Variants in ZNF470 observed in about 807,000 individuals in gnomAD.
ZNF470 encodes zinc finger protein 470, also known as chondrogenesis zinc finger protein 1.
ZNF470 carries 13 observed loss-of-function variants against 13.9 expected under a neutral mutation model. The observed-to-expected ratio is 0.94, with a 90% CI of 0.61 to 1.49. The LOEUF (loss-of-function observed/expected upper bound fraction) is 1.49, where lower values mean the gene tolerates loss of function less well. ZNF470 is among the 40% of genes most tolerant of loss of function. The probability of loss-of-function intolerance (pLI) is 0.00; values close to 1 mark genes in which losing one functional copy is unlikely to be tolerated. For missense variants in ZNF470, 929 were observed against 857.3 expected, an observed-to-expected ratio of 1.08 and a Z score of -1.04; for synonymous variants, 293 against 282.9, an observed-to-expected ratio of 1.04 and a Z score of -0.36.
At chr19:56,573,878 A>C in intron 3 of ZNF470, 59 of 645,224 alleles carry the variant, frequency 9.1e-5, no homozygotes, top group South Asian at 2.8e-4. Flanking sequence ...AGAAAAGACT[A>C]TAGCTAGGTG....
Position 56,582,257 on chromosome 19 carries a change from T to C in ZNF470, c.*3674T>C, listed in dbSNP as rs2044541102. On this transcript the variant is annotated 3_prime_UTR_variant, in exon 6 of 6. Transcript: ENST00000330619. ...ATAATTTAAGGAGGATGGAGAATGC[T>C]GAATCCAAAAGGTATATGTAATACT... 3.0e-6 allele frequency: 3 copies of C among 985,398 alleles called. No individual in the cohort carries two copies. Among genetic ancestry groups the C allele is most frequent in the Non-Finnish European group, 3.6e-6 (3 of 829,930 alleles). 61.0% of individuals were successfully genotyped at this position (985,398 alleles called of 1,614,324 possible). A position where few individuals can be genotyped will look rare whatever the true frequency, so the allele number is the denominator to read the frequency against.
At position 56,581,294 on chromosome 19, in the gene ZNF470, T is replaced by C. The variant is rs776379953; in HGVS notation, c.*2711T>C. 4.1e-6 allele frequency: 3 copies of C among 730,892 alleles called. No homozygotes were observed. The highest frequency in any genetic ancestry group is 5.0e-6 in the Non-Finnish European group (3 of 597,890). The allele number at this position is 730,892 out of a possible 1,614,324, so 45.3% of individuals were successfully genotyped here. On this transcript the variant is annotated 3_prime_UTR_variant, in exon 6 of 6. Transcript: ENST00000330619. ...AGAAATGCAAATTAAAGTGATTATCTACTTTTTCCCCAAAAGACTGACTAA... is the reference window on the plus strand; with the variant it reads ...AGAAATGCAAATTAAAGTGATTATCCACTTTTTCCCCAAAAGACTGACTAA...
At position 56,577,536 on chromosome 19, in the gene ZNF470, A is replaced by G. The variant is rs1312942608; in HGVS notation, c.1107A>G (p.Glu369=). The G allele has an allele frequency of 6.2e-7, 1 of 1,614,114 alleles. No individual in the cohort carries two copies. Among genetic ancestry groups the G allele is most frequent in the South Asian group, 1.1e-5 (1 of 91,082 alleles). The part of the protein sequence containing the change: ...RRIHTGKRPY[E]CIDCGKAFRQ... ...TTCACACTGGGAAAAGACCTTATGA[A>G]TGTATTGACTGTGGGAAAGCTTTCA... Residue 369 remains glutamate (E), a synonymous_variant, in exon 6 of 6, where the codon GAA becomes GAG. Coordinates refer to ENST00000330619, the MANE Select transcript of ZNF470 (RefSeq NM_001001668.4).
chr19:56,570,457 C>A, intron 3 of ZNF470, 86 bp downstream of exon 3: 1 of 1,336,280 alleles, frequency 7.5e-7, no homozygotes, highest in Non-Finnish European at 1.1e-6. Flanking sequence ...AAATATTGTG[C>A]TTAAGAGTTC....
intron 3 of ZNF470, among the ~76,000 whole-genome samples, chr19:56,571,954 G>A (rs1401092169): frequency 1.3e-5 from 2 of 151,648 alleles, no homozygotes; most frequent in Admixed American, 6.6e-5. Flanking sequence ...ACAACTTATG[G>A]CCAGAGCATG....
rs2044524936 is a variant in ZNF470, at chr19:56,580,173, G to A, written c.*1590G>A. ...AGAACATGTTGGTATTAGAGGATGA[G>A]GGAAGAACTAGAGGTAACTGTGAGA... On this transcript the variant is annotated 3_prime_UTR_variant, in exon 6 of 6. Transcript: ENST00000330619. 1 of 979,076 alleles carries A rather than the reference G, an allele frequency of 1.0e-6. No individual in the cohort carries two copies. Among genetic ancestry groups the A allele is most frequent in the Non-Finnish European group, 1.2e-6 (1 of 828,476 alleles). The allele number at this position is 979,076 out of a possible 1,614,324, so 60.6% of individuals were successfully genotyped here. A position where few individuals can be genotyped will look rare whatever the true frequency, so the allele number is the denominator to read the frequency against.
chr19:56,581,208 C>T lies in ZNF470; in HGVS notation c.*2625C>T, dbSNP rs1396486107. ...CAACTTAGAAAAATGGACTAATGTC[C>T]CATTCACAAAAGATGCAATAAAAGC... On this transcript the variant is annotated 3_prime_UTR_variant, in exon 6 of 6. Coordinates refer to ENST00000330619, the MANE Select transcript of ZNF470 (RefSeq NM_001001668.4). 1.6e-6 allele frequency: 1 copy of T among 610,068 alleles called. No individual in the cohort carries two copies. The highest frequency in any genetic ancestry group is 1.4e-4 in the East Asian group (1 of 7,090). The allele number at this position is 610,068 out of a possible 1,614,324, so 37.8% of individuals were successfully genotyped here.
Position 56,572,371 on chromosome 19 carries a change from A to AATATGTATATATATATATATATATAT in ZNF470, c.60+2004_60+2005insGTATATATATATATATATATATATAT, listed in dbSNP as rs2044459552. 2.9e-4 allele frequency among the ~76,000 whole-genome samples: 5 copies of AATATGTATATATATATATATATATAT among 17,242 alleles called. 1 individual carries two copies. The African/African-American group carries it at 4.1e-3, about 14-fold the overall frequency. 11.3% of individuals were successfully genotyped at this position (17,242 alleles called of 152,430 possible). A position where few individuals can be genotyped will look rare whatever the true frequency, so the allele number is the denominator to read the frequency against. ...AAAAAAAAAAAAAAAAAAAAAAAAA[A>AATATGTATATATATATATATATATAT]ATATATATATATATATATAAATTAG... On this transcript the variant is annotated intron_variant, in intron 3 of 5. Transcript: ENST00000330619.
Position 56,578,064 on chromosome 19 carries a change from C to T in ZNF470, c.1635C>T (p.Ala545=). The change falls in exon 6 of 6, where the codon GCC becomes GCT. Residue 545 remains alanine (A), a synonymous_variant. Transcript: ENST00000330619. ...ATGAATGTAAGGAATGTGGTAAGGCCTTCAGTCAGATTGCACACCTTGTTC... is the reference window on the plus strand; with the variant it reads ...ATGAATGTAAGGAATGTGGTAAGGCTTTCAGTCAGATTGCACACCTTGTTC... ...KPYECKECGK[A]FSQIAHLVQH... 1 of 1,613,916 alleles carries T rather than the reference C, an allele frequency of 6.2e-7. No individual in the cohort carries two copies.
Position 56,574,217 on chromosome 19 carries a change from A to G in ZNF470, c.61-177A>G, listed in dbSNP as rs1258951276. 5.8e-6 allele frequency: 6 copies of G among 1,029,802 alleles called. 1 individual carries two copies. Among genetic ancestry groups the G allele is most frequent in the South Asian group, 3.8e-5 (3 of 78,802 alleles). The allele number at this position is 1,029,802 out of a possible 1,614,324, so 63.8% of individuals were successfully genotyped here. On this transcript the variant is annotated intron_variant, in intron 3 of 5. Transcript: ENST00000330619. ...TTTTCTTTTTCCTAATATGTACAGC[A>G]TAACTAGGCAGAAAAGTTGTCCAAT...
rs3752179 is a variant in ZNF470, at chr19:56,577,190, A to G, written c.761A>G (p.Lys254Arg). 0.015 allele frequency: 23,889 copies of G among 1,613,008 alleles called. 1,325 individuals are homozygous for G. The East Asian group carries it at 0.17, about 11-fold the overall frequency. The change falls in exon 6 of 6, where the codon AAA becomes AGA. Residue 254 changes from lysine to arginine, a missense_variant. Transcript: ENST00000330619. ...CACCAAAGAATTCATACAGGAGAGA[A>G]ACCCTATGAATGTATTGAATGTGGA... The part of the protein sequence containing the change: ...TLHQRIHTGE[K>R]PYECIECGKA...
intron 3 of ZNF470, among the ~76,000 whole-genome samples, chr19:56,571,299 G>A (rs1429718882): frequency 2.6e-5 from 4 of 152,162 alleles, no homozygotes; most frequent in Non-Finnish European, 4.4e-5. Context: ...TTAATAGAGT[G>A]TTGCAGTAAT....
intron 3 of ZNF470, among the ~76,000 whole-genome samples, chr19:56,572,936 G>T (rs2044465575): frequency 6.6e-6 from 1 of 152,166 alleles, no homozygotes; most frequent in South Asian, 2.1e-4. Flanking sequence ...GAGCATCAGG[G>T]TGAAGGAAGT....
Position 56,569,413 on chromosome 19 carries a change from T to C in ZNF470, c.-33+530T>C, listed in dbSNP as rs895483117. Among the ~76,000 whole-genome samples, 5 of 152,206 alleles carry C rather than the reference T, an allele frequency of 3.3e-5. No homozygotes were observed. In the South Asian group the frequency reaches 6.2e-4, roughly 19 times the overall value. On this transcript the variant is annotated intron_variant, in intron 2 of 5. Transcript: ENST00000330619. ...GGAATTCTCCATGGAATTTGTCTTA[T>C]AGAATGTTCACAAATCCTGGCCAAC...
intron 3 of ZNF470, among the ~76,000 whole-genome samples, chr19:56,573,021 T>C (rs1331288316): frequency 6.6e-6 from 1 of 152,180 alleles, no homozygotes; most frequent in Non-Finnish European, 1.5e-5. Flanking sequence ...TCTTCAATGG[T>C]TAAAAACAAA....
rs188507736 is a variant in ZNF470 at position 56,573,803 on chromosome 19, G to A, written c.61-591G>A. ...CAAAATGAAGAAGTAAATAAAAAAG[G>A]AAAATGAAAAACAACTTTTCAAATG... is the stretch of plus-strand genomic sequence containing the variant. On this transcript the variant is annotated intron_variant, in intron 3 of 5. Transcript: ENST00000330619. 1,125 of 246,338 alleles carry A rather than the reference G, an allele frequency of 4.6e-3. 4 individuals carry two copies. Among genetic ancestry groups the A allele is most frequent in the Non-Finnish European group, 6.4e-3 (980 of 154,112 alleles). 15.3% of individuals were successfully genotyped at this position (246,338 alleles called of 1,614,324 possible).
Position 56,579,620 on chromosome 19 carries a change from T to C in ZNF470, c.*1037T>C, listed in dbSNP as rs2044520487. On this transcript the variant is annotated 3_prime_UTR_variant, in exon 6 of 6. Transcript: ENST00000330619. ...GTATTTAAATTGTTCTAGCATAAAA[T>C]AAAATGCAATAAGACCTTCCATCTT... 9.1e-6 allele frequency: 9 copies of C among 985,386 alleles called. No individual in the cohort carries two copies. In the South Asian group the frequency reaches 4.2e-4, roughly 46 times the overall value. 61.0% of individuals were successfully genotyped at this position (985,386 alleles called of 1,614,324 possible). A position where few individuals can be genotyped will look rare whatever the true frequency, so the allele number is the denominator to read the frequency against.
In ZNF470 at chr19:56,570,390, T is replaced by G; in HGVS notation, c.60+19T>G. 1 of 1,612,080 alleles carries G rather than the reference T, an allele frequency of 6.2e-7. No individual in the cohort carries two copies. Among genetic ancestry groups the G allele is most frequent in the Non-Finnish European group, 8.5e-7 (1 of 1,178,244 alleles). On this transcript the variant is annotated intron_variant, in intron 3 of 5. Transcript: ENST00000330619. ...GTCCCTGGTGAGTTAGTATTCCCCC[T>G]CTCCCCACTAAAATAGTTTTGCTTT...
Position 56,580,922 on chromosome 19 carries a change from C to G in ZNF470, c.*2339C>G, listed in dbSNP as rs183762043. The G allele has an allele frequency of 2.0e-6, 2 of 985,016 alleles. No homozygotes were observed. Among genetic ancestry groups the G allele is most frequent in the East Asian group, 1.1e-4 (1 of 8,810 alleles). 61.0% of individuals were successfully genotyped at this position (985,016 alleles called of 1,614,324 possible). On this transcript the variant is annotated 3_prime_UTR_variant, in exon 6 of 6. Coordinates refer to ENST00000330619, the MANE Select transcript of ZNF470 (RefSeq NM_001001668.4). ...GAAAAACAGATCTGTACCTTTCACA[C>G]TAATGAAATGCCTGAGATATTAAAG...
Sources: allele counts gnomAD v4.1 joint callset (sites outside exome capture counted in the v4.1 genomes callset), GRCh38; gene constraint gnomAD v4.1.1; transcripts MANE v1.5; gene names NCBI Gene and HGNC (gene_info 2026-07-23, HGNC 2026-07-21).